Variants in ITFG1 observed in about 807,000 individuals in gnomAD.
ITFG1 encodes the protein integrin alpha FG-GAP repeat containing 1.
In ITFG1, 34 loss-of-function variants were observed where a neutral mutation model predicts 81.8. The observed-to-expected ratio is 0.42, with a 90% confidence interval of 0.32 to 0.55. ITFG1 has a LOEUF of 0.55. ITFG1 is among the 20% of genes least tolerant of loss of function. The pLI, the probability that ITFG1 is intolerant of heterozygous loss-of-function variation, is 0.17. For missense variants in ITFG1, 672 were observed against 755.4 expected, an observed-to-expected ratio of 0.89 and a Z score of 1.29; for synonymous variants, 285 against 270.6, an observed-to-expected ratio of 1.05 and a Z score of -0.52.
chr16:47,167,334 C>T (rs1017705006), intron 14 of ITFG1, among the ~76,000 whole-genome samples: 6 of 152,168 alleles, frequency 3.9e-5, no homozygotes, highest in South Asian at 2.1e-4. Context: ...CCTGAAGTAA[C>T]GGAAGAATCA....
chr16:47,179,480 T>C (rs1965073163), intron 14 of ITFG1, among the ~76,000 whole-genome samples: 1 of 152,090 alleles, frequency 6.6e-6, no homozygotes, highest in African/African-American at 2.4e-5. Context: ...ATAAAAAAAT[T>C]GATCAAGAGG....
At chr16:47,396,567 A>G (rs1968597046) in intron 6 of ITFG1, among the ~76,000 whole-genome samples, 3 of 135,340 alleles carry the variant, frequency 2.2e-5, no homozygotes, top group Admixed American at 1.4e-4. Context: ...AGAAAGAAGG[A>G]AGGTGGCTGG....
chr16:47,184,088 A>G (rs557759681), intron 14 of ITFG1, among the ~76,000 whole-genome samples: 2 of 152,280 alleles, frequency 1.3e-5, no homozygotes, highest in South Asian at 2.1e-4. Context: ...AAAAAGAATA[A>G]AAAGAAATGA....
intron 6 of ITFG1, among the ~76,000 whole-genome samples, chr16:47,426,640 T>A (rs1969024814): frequency 6.6e-6 from 1 of 151,752 alleles, no homozygotes; most frequent in South Asian, 2.1e-4. Context: ...CATAAAAAAT[T>A]TACTAGATAA....
At chr16:47,442,052 C>T (rs569160422) in intron 5 of ITFG1, among the ~76,000 whole-genome samples, 45 of 152,158 alleles carry the variant, frequency 3.0e-4, no homozygotes, top group Admixed American at 5.2e-4. Context: ...AAACAGAGAG[C>T]CAAATCATGA....
At chr16:47,202,597 AAG>A (rs1965440153) in intron 14 of ITFG1, among the ~76,000 whole-genome samples, 1 of 152,062 alleles carries the variant, frequency 6.6e-6, no homozygotes, top group Non-Finnish European at 1.5e-5. Flanking sequence ...TAAAAAAAAA[AAG>A]AAACATAATG....
intron 8 of ITFG1, among the ~76,000 whole-genome samples, chr16:47,365,165 C>T (rs1265637387): frequency 6.6e-6 from 1 of 152,072 alleles, no homozygotes; most frequent in Non-Finnish European, 1.5e-5. Context: ...GGTTTATTGG[C>T]ATAATGAAGG....
At chr16:47,171,583 G>C (rs891055725) in intron 14 of ITFG1, among the ~76,000 whole-genome samples, 1 of 151,952 alleles carries the variant, frequency 6.6e-6, no homozygotes, top group Non-Finnish European at 1.5e-5. Context: ...TTTGAGTTTA[G>C]TCTGGTCTTC....
At chr16:47,349,628 A>G (rs1967919089) in intron 8 of ITFG1, among the ~76,000 whole-genome samples, 1 of 152,170 alleles carries the variant, frequency 6.6e-6, no homozygotes, top group African/African-American at 2.4e-5. Flanking sequence ...TTAACACCCA[A>G]CTGTCAATGT....
At chr16:47,172,466 C>T (rs1364317136) in intron 14 of ITFG1, among the ~76,000 whole-genome samples, 1 of 152,142 alleles carries the variant, frequency 6.6e-6, no homozygotes. Flanking sequence ...CTAGCCTGGC[C>T]AACAGAGTGA....
Position 47,454,135 on chromosome 16 carries a change from C to T in ITFG1, c.305G>A (p.Ser102Asn). Residue 102 changes from serine (S) to asparagine (N), a missense_variant, in exon 3 of 18, where the codon AGT becomes AAT. Coordinates refer to ENST00000320640, the MANE Select transcript of ITFG1 (RefSeq NM_030790.5). ...SFKNHSALIT[S>N]VVPGDYDGDS... ...TCCATCATAATCCCCAGGGACTACA[C>T]TTGTTATCAATGCACTGTGATTCCT... 6.2e-7 allele frequency: 1 copy of T among 1,606,806 alleles called. No homozygotes were observed. The highest frequency in any genetic ancestry group is 8.5e-7 in the Non-Finnish European group (1 of 1,175,316).
At chr16:47,260,816 A>G (rs1966202243) in intron 10 of ITFG1, 121 bp from the exon 11 acceptor site, 6 of 1,080,276 alleles carry the variant, frequency 5.6e-6, no homozygotes, top group Admixed American at 2.4e-5. Flanking sequence ...ACACGAAAAA[A>G]TCTCCACATT....
At chr16:47,219,718 G>C (rs1965668193) in intron 13 of ITFG1, among the ~76,000 whole-genome samples, 1 of 152,124 alleles carries the variant, frequency 6.6e-6, no homozygotes, top group Admixed American at 6.5e-5. Context: ...ATTTAGATAG[G>C]CTACTGATGC....
chr16:47,433,902 A>ATG (rs1969128922), intron 5 of ITFG1, among the ~76,000 whole-genome samples: 1 of 99,716 alleles, frequency 1.0e-5, no homozygotes, highest in Non-Finnish European at 2.0e-5. Flanking sequence ...ATATATATAT[A>ATG]TATAGTTGTC....
intron 12 of ITFG1, among the ~76,000 whole-genome samples, chr16:47,243,464 T>G (rs1965961462): frequency 6.6e-6 from 1 of 152,158 alleles, no homozygotes; most frequent in Non-Finnish European, 1.5e-5. Context: ...CTGGTGAAAA[T>G]ATAAATCCCT....
chr16:47,442,655 A>AT (rs1480029041), intron 5 of ITFG1, among the ~76,000 whole-genome samples: 1 of 152,214 alleles, frequency 6.6e-6, no homozygotes, highest in Non-Finnish European at 1.5e-5. Context: ...AGGGGAAAGG[A>AT]TTCCCCATTT....
intron 6 of ITFG1, among the ~76,000 whole-genome samples, chr16:47,410,666 GGTGT>G (rs370173509): frequency 6.6e-6 from 1 of 152,238 alleles, no homozygotes; most frequent in African/African-American, 2.4e-5. Context: ...TCCTAAGGAA[GGTGT>G]GAGTGAAGGA....
intron 10 of ITFG1, among the ~76,000 whole-genome samples, chr16:47,286,416 G>A (rs2151552490): frequency 6.6e-6 from 1 of 152,256 alleles, no homozygotes; most frequent in East Asian, 1.9e-4. Flanking sequence ...GAGGTGGGTG[G>A]ATCACCTGAG....
chr16:47,307,848 C>T (rs1210323885), intron 10 of ITFG1, among the ~76,000 whole-genome samples: 1 of 152,066 alleles, frequency 6.6e-6, no homozygotes, highest in African/African-American at 2.4e-5. Flanking sequence ...TTTTTATGTC[C>T]ATGAGTATGC....
Sources: gnomAD v4.1 joint callset for allele counts (sites outside exome capture counted in the v4.1 genomes callset) on GRCh38, gnomAD v4.1.1 for gene constraint, MANE v1.5 for transcripts, NCBI Gene and HGNC (gene_info 2026-07-23, HGNC 2026-07-21) for gene names.